The following SPOCK1 variants were observed in gnomAD, a reference collection of about 807,000 sequenced individuals.
SPOCK1 encodes the protein SPARC (osteonectin), cwcv and kazal like domains proteoglycan 1.
Under a neutral mutation model 55.3 loss-of-function variants are expected in SPOCK1, and 23 were observed. That is an observed-to-expected ratio of 0.42 (90% CI 0.30 to 0.59). The LOEUF is 0.59. Among genes scored for constraint, SPOCK1 ranks in the 20% least tolerant of loss-of-function variants. The pLI, the probability that SPOCK1 is intolerant of heterozygous loss-of-function variation, is 0.22. For synonymous variants in SPOCK1, 226 were observed against 221.0 expected (o/e 1.02, Z -0.20); for missense variants, 499 against 552.5 (o/e 0.90, Z 0.97).
At chr5:137,331,009 G>A (rs1758167468) in intron 2 of SPOCK1, among the ~76,000 whole-genome samples, 1 of 152,224 alleles carries the variant, frequency 6.6e-6, no homozygotes. Flanking sequence ...CAAAAGCCAT[G>A]TAATCAGCAA....
At chr5:137,067,425 C>T (rs148673094) in intron 6 of SPOCK1, among the ~76,000 whole-genome samples, 2 of 152,254 alleles carry the variant, frequency 1.3e-5, no homozygotes, top group African/African-American at 2.4e-5. Context: ...AGGGCAGGTC[C>T]GGTCTTAGAT....
intron 3 of SPOCK1, among the ~76,000 whole-genome samples, chr5:137,156,020 G>A (rs528493461): frequency 3.3e-5 from 5 of 152,120 alleles, no homozygotes; most frequent in East Asian, 1.9e-4. Flanking sequence ...TTCAGACTAC[G>A]TTTACTCCTG....
At chr5:137,136,467 G>A (rs1353974076) in intron 4 of SPOCK1, among the ~76,000 whole-genome samples, 4 of 152,132 alleles carry the variant, frequency 2.6e-5, no homozygotes, top group Non-Finnish European at 5.9e-5. Flanking sequence ...TAAAGAGGAT[G>A]TAATAGAAAT....
intron 2 of SPOCK1, among the ~76,000 whole-genome samples, chr5:137,314,715 A>G (rs1437768185): frequency 6.6e-6 from 1 of 152,174 alleles, no homozygotes; most frequent in Non-Finnish European, 1.5e-5. Context: ...TTAAAAGGAC[A>G]TATGGGATCC....
chr5:137,330,052 G>A (rs1758142566), intron 2 of SPOCK1, among the ~76,000 whole-genome samples: 1 of 152,098 alleles, frequency 6.6e-6, no homozygotes, highest in African/African-American at 2.4e-5. Context: ...ACTCTGCTCT[G>A]CCAGGCCTCC....
intron 2 of SPOCK1, among the ~76,000 whole-genome samples, chr5:137,333,190 A>G (rs1758218867): frequency 1.3e-5 from 2 of 152,244 alleles, no homozygotes; most frequent in African/African-American, 4.8e-5. Flanking sequence ...CTAAGTGTAC[A>G]AAGCTGTGTA....
intron 2 of SPOCK1, among the ~76,000 whole-genome samples, chr5:137,368,010 C>T (rs977269186): frequency 6.6e-6 from 1 of 152,228 alleles, no homozygotes; most frequent in African/African-American, 2.4e-5. Context: ...CCAACCGCCC[C>T]CAAAAGGCAG....
At chr5:137,481,660 T>G (rs1342107321) in intron 2 of SPOCK1, among the ~76,000 whole-genome samples, 1 of 152,202 alleles carries the variant, frequency 6.6e-6, no homozygotes, top group Non-Finnish European at 1.5e-5. Context: ...AAAAGGTTAC[T>G]CCAGAAGATT....
intron 6 of SPOCK1, among the ~76,000 whole-genome samples, chr5:137,029,725 T>C (rs1002035100): frequency 5.9e-5 from 9 of 152,230 alleles, no homozygotes; most frequent in African/African-American, 1.9e-4. Context: ...CTAGGTATGG[T>C]GGCTCATGCC....
chr5:137,442,545 C>T (rs1753037287), intron 2 of SPOCK1, among the ~76,000 whole-genome samples: 1 of 152,210 alleles, frequency 6.6e-6, no homozygotes, highest in Admixed American at 6.5e-5. Flanking sequence ...AAGCCCACTA[C>T]CTTGCACACA....
At chr5:137,145,996 C>T (rs982593615) in intron 3 of SPOCK1, among the ~76,000 whole-genome samples, 1 of 152,186 alleles carries the variant, frequency 6.6e-6, no homozygotes, top group South Asian at 2.1e-4. Context: ...AGGGACCATG[C>T]TGGGGAGCCA....
At chr5:137,288,773 G>A (rs1757313072) in intron 2 of SPOCK1, among the ~76,000 whole-genome samples, 1 of 152,166 alleles carries the variant, frequency 6.6e-6, no homozygotes, top group African/African-American at 2.4e-5. Context: ...CAGGGGAACA[G>A]GACACAATGC....
chr5:137,127,788 T>A (rs1178783578), intron 4 of SPOCK1, among the ~76,000 whole-genome samples: 2 of 152,228 alleles, frequency 1.3e-5, no homozygotes, highest in Non-Finnish European at 2.9e-5. Flanking sequence ...GGAGAGCAAT[T>A]TGCCTCAGGA....
chr5:137,052,891 TA>T (rs1173576275), intron 6 of SPOCK1, among the ~76,000 whole-genome samples: 2 of 152,162 alleles, frequency 1.3e-5, no homozygotes, highest in Non-Finnish European at 2.9e-5. Flanking sequence ...TATTTTTTTT[TA>T]ATGCTCATTT....
chr5:137,472,552 A>C (rs1753757764), intron 2 of SPOCK1, among the ~76,000 whole-genome samples: 1 of 152,202 alleles, frequency 6.6e-6, no homozygotes. Flanking sequence ...GTAATTTGGC[A>C]ACATTCATTA....
At chr5:137,145,665 G>T (rs1185019751) in intron 3 of SPOCK1, among the ~76,000 whole-genome samples, 2 of 152,234 alleles carry the variant, frequency 1.3e-5, no homozygotes, top group Non-Finnish European at 2.9e-5. Context: ...TGAGCAAAAA[G>T]ATGTTCTTCC....
chr5:137,449,051 T>C (rs1179991361), intron 2 of SPOCK1, among the ~76,000 whole-genome samples: 1 of 152,222 alleles, frequency 6.6e-6, no homozygotes, highest in Non-Finnish European at 1.5e-5. Context: ...CCTCAGGCCC[T>C]GCTTCAAGGC....
intron 2 of SPOCK1, among the ~76,000 whole-genome samples, chr5:137,404,575 A>T (rs1197327679): frequency 1.5e-5 from 2 of 137,808 alleles, no homozygotes; most frequent in Non-Finnish European, 3.1e-5. Flanking sequence ...CACCCAGCTA[A>T]TTTTTTTTTT....
At chr5:136,999,780 G>C (rs182558644) in intron 6 of SPOCK1, among the ~76,000 whole-genome samples, 1 of 152,264 alleles carries the variant, frequency 6.6e-6, no homozygotes, top group Admixed American at 6.5e-5. Flanking sequence ...GTGAGTGAGC[G>C]TGTCTCTGTT....
Sources: gnomAD v4.1 joint callset for allele counts (sites outside exome capture counted in the v4.1 genomes callset) on GRCh38, gnomAD v4.1.1 for gene constraint, MANE v1.5 for transcripts, NCBI Gene and HGNC (gene_info 2026-07-23, HGNC 2026-07-21) for gene names.